The following PDE4B variants were observed in gnomAD, a reference collection of about 807,000 sequenced individuals.
The protein encoded by PDE4B is 3',5'-cyclic-AMP phosphodiesterase 4B.
A neutral mutation model predicts 82.2 loss-of-function variants in PDE4B; 20 were observed. That is an observed-to-expected ratio of 0.24 (90% CI 0.17 to 0.35). The LOEUF (loss-of-function observed/expected upper bound fraction) is 0.35, where lower values mean the gene tolerates loss of function less well. PDE4B is among the 10% of genes least tolerant of loss of function. The probability of loss-of-function intolerance (pLI) is 1.00; values close to 1 mark genes in which losing one functional copy is unlikely to be tolerated. For synonymous variants in PDE4B, 320 were observed against 318.9 expected (o/e 1.00, Z -0.04); for missense variants, 655 against 907.2 (o/e 0.72, Z 3.57).
intron 6 of PDE4B, among the ~76,000 whole-genome samples, chr1:66,265,529 G>A (rs1472235636): frequency 6.6e-6 from 1 of 152,148 alleles, no homozygotes; most frequent in African/African-American, 2.4e-5. Flanking sequence ...AAGCAAGCTG[G>A]ATGACTGTTC....
intron 3 of PDE4B, among the ~76,000 whole-genome samples, chr1:66,049,768 T>C (rs952807076): frequency 6.6e-6 from 1 of 151,978 alleles, no homozygotes; most frequent in Non-Finnish European, 1.5e-5. Flanking sequence ...CAAGGTGGGG[T>C]TGGATACCAG....
At chr1:66,302,084 G>A (rs189496818) in intron 7 of PDE4B, among the ~76,000 whole-genome samples, 45 of 152,252 alleles carry the variant, frequency 3.0e-4, no homozygotes, top group Non-Finnish European at 7.4e-5. Context: ...AATGGGGAAA[G>A]CTAAACTGCT....
chr1:66,066,702 C>G (rs989231989), intron 3 of PDE4B, among the ~76,000 whole-genome samples: 1 of 151,854 alleles, frequency 6.6e-6, no homozygotes, highest in East Asian at 1.9e-4. Context: ...CGCCTTGTAT[C>G]TTATGTCTCA....
At chr1:65,953,608 C>G (rs1208343969) in intron 3 of PDE4B, among the ~76,000 whole-genome samples, 1 of 152,016 alleles carries the variant, frequency 6.6e-6, no homozygotes, top group East Asian at 1.9e-4. Context: ...CCTTGCTGGC[C>G]CATTTTAGAC....
At chr1:66,046,667 C>A (rs1654731458) in intron 3 of PDE4B, among the ~76,000 whole-genome samples, 1 of 151,798 alleles carries the variant, frequency 6.6e-6, no homozygotes, top group South Asian at 2.1e-4. Flanking sequence ...CAAGAAGACT[C>A]TGAATTATCG....
At chr1:66,239,872 ATAAG>A (rs1429906684) in intron 3 of PDE4B, among the ~76,000 whole-genome samples, 2 of 152,398 alleles carry the variant, frequency 1.3e-5, no homozygotes, top group African/African-American at 4.8e-5. Context: ...ATCTCAATCA[ATAAG>A]TAAAATAATT....
intron 8 of PDE4B, among the ~76,000 whole-genome samples, chr1:66,342,639 G>A (rs906835615): frequency 2.0e-5 from 3 of 151,450 alleles, no homozygotes; most frequent in African/African-American, 7.3e-5. Flanking sequence ...GCTGAGGCAG[G>A]AGAATCACTT....
At position 65,941,367 on chromosome 1, in the gene PDE4B, C is replaced by T. The variant is rs997279020; in HGVS notation, c.281+22532C>T. 1.7e-4 allele frequency among the ~76,000 whole-genome samples: 26 copies of T among 151,966 alleles called. No homozygotes were observed. The East Asian group carries it at 2.7e-3, about 16-fold the overall frequency. ...AGAAATATACCAAAATTCTTATTTC[C>T]GGATTCCTAAAAACTGAGAAGTGAC... On this transcript the variant is annotated intron_variant, in intron 3 of 16. Transcript: ENST00000341517.
chr1:66,156,102 A>G (rs1570359799), intron 3 of PDE4B, among the ~76,000 whole-genome samples: 1 of 152,156 alleles, frequency 6.6e-6, no homozygotes, highest in South Asian at 2.1e-4. Context: ...AAAACCTAAT[A>G]TTACCTTAAT....
chr1:65,926,552 A>G (rs984769539), intron 3 of PDE4B, among the ~76,000 whole-genome samples: 1 of 152,160 alleles, frequency 6.6e-6, no homozygotes, highest in Admixed American at 6.5e-5. Context: ...TTTGGCTTTG[A>G]GTAAAATGTT....
At chr1:65,965,799 C>T (rs950860093) in intron 3 of PDE4B, among the ~76,000 whole-genome samples, 12 of 152,068 alleles carry the variant, frequency 7.9e-5, no homozygotes, top group Admixed American at 6.6e-4. Flanking sequence ...ACAAAAATCA[C>T]GTGATTATCT....
intron 3 of PDE4B, among the ~76,000 whole-genome samples, chr1:65,997,914 T>A (rs1437267778): frequency 6.6e-6 from 1 of 152,142 alleles, no homozygotes; most frequent in East Asian, 1.9e-4. Flanking sequence ...AGTCAATGTG[T>A]TAAGGGAAGT....
intron 3 of PDE4B, chr1:65,992,702 C>T (rs2100681585): frequency 1.5e-6 from 2 of 1,310,648 alleles, no homozygotes; most frequent in South Asian, 4.3e-5. Flanking sequence ...CAAAGCCAGC[C>T]TGATAAAGCT....
At chr1:66,250,496 A>G (rs1653677085) in intron 4 of PDE4B, among the ~76,000 whole-genome samples, 1 of 152,250 alleles carries the variant, frequency 6.6e-6, no homozygotes, top group South Asian at 2.1e-4. Context: ...TATTAAGAGT[A>G]AAAATGTGAA....
At chr1:66,158,068 A>G (rs1330771114) in intron 3 of PDE4B, among the ~76,000 whole-genome samples, 1 of 152,210 alleles carries the variant, frequency 6.6e-6, no homozygotes, top group African/African-American at 2.4e-5. Flanking sequence ...TTGGTACAGA[A>G]GCATTTCACA....
chr1:66,069,759 T>C (rs1434799947), intron 3 of PDE4B, among the ~76,000 whole-genome samples: 1 of 152,004 alleles, frequency 6.6e-6, no homozygotes, highest in Non-Finnish European at 1.5e-5. Flanking sequence ...AATGTGGGCC[T>C]GGGTCAGAAA....
chr1:65,866,233 G>A (rs1006579385), intron 1 of PDE4B, among the ~76,000 whole-genome samples: 10 of 151,790 alleles, frequency 6.6e-5, no homozygotes, highest in Non-Finnish European at 1.5e-4. Flanking sequence ...GCAAATAATT[G>A]TATTTATTTT....
intron 3 of PDE4B, among the ~76,000 whole-genome samples, chr1:66,124,060 C>T (rs1421481713): frequency 6.6e-6 from 1 of 152,168 alleles, no homozygotes; most frequent in Admixed American, 6.5e-5. Flanking sequence ...TTAAAGAAAA[C>T]TTCTGCACTG....
At chr1:65,903,989 T>C (rs1267336858) in intron 1 of PDE4B, among the ~76,000 whole-genome samples, 1 of 152,206 alleles carries the variant, frequency 6.6e-6, no homozygotes, top group African/African-American at 2.4e-5. Context: ...TCTTATGAAG[T>C]CTGTAATGAT....
Sources: gnomAD v4.1 joint callset for allele counts (sites outside exome capture counted in the v4.1 genomes callset) on GRCh38, gnomAD v4.1.1 for gene constraint, MANE v1.5 for transcripts, NCBI Gene and HGNC (gene_info 2026-07-23, HGNC 2026-07-21) for gene names.